Variants in ADHFE1 observed in about 807,000 individuals in gnomAD.
ADHFE1 encodes the protein hydroxyacid-oxoacid transhydrogenase, mitochondrial.
Under a neutral mutation model 54.8 loss-of-function variants are expected in ADHFE1, and 37 were observed. The observed-to-expected ratio is 0.68, with a 90% CI of 0.52 to 0.89. The LOEUF (loss-of-function observed/expected upper bound fraction) is 0.89. Among genes scored for constraint, ADHFE1 ranks in the 40% least tolerant of loss-of-function variants. The probability of loss-of-function intolerance (pLI) is 0.00; values close to 1 mark genes in which losing one functional copy is unlikely to be tolerated. For missense variants in ADHFE1, 601 were observed against 591.2 expected, an observed-to-expected ratio of 1.02 and a Z score of -0.17; for synonymous variants, 203 against 229.3, an observed-to-expected ratio of 0.89 and a Z score of 1.04.
At chr8:66,433,353 T>C (rs542635103) in intron 1 of ADHFE1, among the ~76,000 whole-genome samples, 6 of 152,280 alleles carry the variant, frequency 3.9e-5, no homozygotes, top group Admixed American at 1.3e-4. Flanking sequence ...CAAGTAGACC[T>C]ACCTTTATAA....
At chr8:66,466,306 G>C (rs1230839368) in intron 13 of ADHFE1, among the ~76,000 whole-genome samples, 2 of 145,644 alleles carry the variant, frequency 1.4e-5, no homozygotes, top group African/African-American at 5.1e-5. Context: ...GGCTGGTCTC[G>C]AACTCCTGAC....
Position 66,460,359 on chromosome 8 carries a change from A to T in ADHFE1, c.1214A>T (p.Asp405Val). Residue 405 changes from aspartate to valine, a missense_variant, in exon 13 of 14, where the codon GAC becomes GTC. Physicochemically the swap from Asp to Val is radical, Grantham distance 152 (BLOSUM62 -3). Transcript: ENST00000396623. ...RIQDAGLVLADTLRKFLFDLD... is the reference protein window; with the variant it reads ...RIQDAGLVLAVTLRKFLFDLD... The stretch of plus-strand genomic sequence containing the variant: ...CAAGATGCAGGGCTGGTGTTGGCAG[A>T]CACGCTCCGGAAATTCTTATTCGAT... The T allele has an allele frequency of 1.2e-6, 2 of 1,614,232 alleles. No homozygotes were observed. The highest frequency in any genetic ancestry group is 1.7e-6 in the Non-Finnish European group (2 of 1,180,042).
intron 7 of ADHFE1, 22 bp from the exon 8 acceptor site, chr8:66,448,843 A>G (rs1287234809): frequency 2.5e-6 from 4 of 1,601,378 alleles, no homozygotes; most frequent in Non-Finnish European, 3.4e-6. Flanking sequence ...TTTAGCCTCT[A>G]CTGAAAATCC....
At chr8:66,460,014 C>T (rs1482893320) in intron 12 of ADHFE1, 1 of 353,722 alleles carries the variant, frequency 2.8e-6, no homozygotes, top group Non-Finnish European at 5.2e-6. Context: ...TCCTCCATCC[C>T]AGCACCAGCC....
chr8:66,461,476 G>A (rs1454581810), intron 13 of ADHFE1, among the ~76,000 whole-genome samples: 1 of 151,884 alleles, frequency 6.6e-6, no homozygotes, highest in African/African-American at 2.4e-5. Context: ...TCCCCACTTC[G>A]CTAGTGCTTA....
In ADHFE1 at chr8:66,438,971, A is replaced by T. The variant is rs190630352; in HGVS notation, c.60-1191A>T. On this transcript the variant is annotated intron_variant, in intron 1 of 13. Transcript: ENST00000396623. ...GATTTTTTTTTCCTTCCCTTGGCTCACTTTTCTTGTCATTAGAGGGCATAA... is the reference window on the plus strand; with the variant it reads ...GATTTTTTTTTCCTTCCCTTGGCTCTCTTTTCTTGTCATTAGAGGGCATAA... 1.9e-4 allele frequency among the ~76,000 whole-genome samples: 29 copies of T among 151,318 alleles called. No homozygotes were observed. In the East Asian group the frequency reaches 4.5e-3, roughly 23 times the overall value.
At position 66,432,973 on chromosome 8, in the gene ADHFE1, C is replaced by T. The variant is rs559600268; in HGVS notation, c.59+398C>T. Reference sequence around the variant, plus strand: ...GTTCTGGGGATACAAAGATGAAAGGCTCTGGAGCAGTTTGAGGTCTAGTGG... The same window carrying T: ...GTTCTGGGGATACAAAGATGAAAGGTTCTGGAGCAGTTTGAGGTCTAGTGG... On this transcript the variant is annotated intron_variant, in intron 1 of 13. Coordinates refer to ENST00000396623, the MANE Select transcript of ADHFE1 (RefSeq NM_144650.3). 136 of 946,182 alleles carry T rather than the reference C, an allele frequency of 1.4e-4. No homozygotes were observed. The African/African-American group carries it at 2.2e-3, about 16-fold the overall frequency. 58.6% of individuals were successfully genotyped at this position (946,182 alleles called of 1,614,324 possible).
chr8:66,452,064 G>T lies in ADHFE1; in HGVS notation c.846G>T (p.Trp282Cys). The change falls in exon 9 of 14, where the codon TGG becomes TGT. Residue 282 changes from tryptophan to cysteine, a missense_variant. Trp to Cys is a radical substitution (Grantham distance 215). Coordinates refer to ENST00000396623, the MANE Select transcript of ADHFE1 (RefSeq NM_144650.3). ...GCAGCAACCCAATCAGTGACATTTG[G>T]GCTATCCACGCGCTGCGGATCGTGG... ...YQGSNPISDI[W>C]AIHALRIVAK... 6.2e-7 allele frequency: 1 copy of T among 1,614,178 alleles called. No homozygotes were observed. The highest frequency in any genetic ancestry group is 8.5e-7 in the Non-Finnish European group (1 of 1,180,028).
At position 66,453,032 on chromosome 8, in the gene ADHFE1, A is replaced by G. The variant is rs114591621; in HGVS notation, c.887+927A>G. 2.0e-3 allele frequency among the ~76,000 whole-genome samples: 312 copies of G among 152,328 alleles called. 3 individuals are homozygous for G. The highest frequency in any genetic ancestry group is 7.1e-3 in the African/African-American group (295 of 41,568). ...ATTTGTAGCAGAGCAGCAGGAAGGA[A>G]CCCAATACTATTTCAGGTTTGTGGG... On this transcript the variant is annotated intron_variant, in intron 9 of 13. Transcript: ENST00000396623.
intron 3 of ADHFE1, among the ~76,000 whole-genome samples, chr8:66,444,025 G>A (rs932091268): frequency 1.3e-5 from 2 of 152,170 alleles, no homozygotes; most frequent in Admixed American, 6.5e-5. Flanking sequence ...TGGGTGGCAG[G>A]TATGCAAGGG....
At chr8:66,433,022 TA>T (rs1805281722) in intron 1 of ADHFE1, 2 of 476,340 alleles carry the variant, frequency 4.2e-6, no homozygotes, top group South Asian at 1.8e-4. Context: ...GGGACGAGGC[TA>T]AAACCGGCTA....
At chr8:66,449,632 C>CACAG (rs944079814) in intron 8 of ADHFE1, among the ~76,000 whole-genome samples, 11 of 152,222 alleles carry the variant, frequency 7.2e-5, no homozygotes, top group African/African-American at 2.7e-4. Flanking sequence ...GTATTTCTAT[C>CACAG]ACAGACCTTG....
At chr8:66,466,415 C>T (rs1807189975) in intron 13 of ADHFE1, among the ~76,000 whole-genome samples, 1 of 152,036 alleles carries the variant, frequency 6.6e-6, no homozygotes, top group Non-Finnish European at 1.5e-5. Flanking sequence ...ATTGCCAAAG[C>T]CAATATTCCT....
chr8:66,442,701 A>G (rs1563487832), intron 2 of ADHFE1, 97 bp from the exon 3 acceptor site: 1 of 1,094,886 alleles, frequency 9.1e-7, no homozygotes. Flanking sequence ...GTAAGACTTC[A>G]AAGGAAATAC....
At position 66,461,115 on chromosome 8, in the gene ADHFE1, C is replaced by T. The variant is rs1354727605; in HGVS notation, c.1320+650C>T. Among the ~76,000 whole-genome samples, 3 of 152,330 alleles carry T rather than the reference C, an allele frequency of 2.0e-5. No homozygotes were observed. In the East Asian group the frequency reaches 5.8e-4, roughly 29 times the overall value. ...GAAGAACTCTGATCCCTCAGTGGAC[C>T]TCTCTTGAGCTAGCACATCAGATCC... On this transcript the variant is annotated intron_variant, in intron 13 of 13. Transcript: ENST00000396623.
At chr8:66,464,088 C>G (rs753854649) in intron 13 of ADHFE1, among the ~76,000 whole-genome samples, 4 of 152,218 alleles carry the variant, frequency 2.6e-5, no homozygotes, top group Non-Finnish European at 5.9e-5. Context: ...GACAGGCCAG[C>G]TGAAATGTTG....
chr8:66,458,623 A>G (rs1256471782), intron 12 of ADHFE1, among the ~76,000 whole-genome samples: 2 of 152,210 alleles, frequency 1.3e-5, no homozygotes, highest in Non-Finnish European at 2.9e-5. Context: ...AACTAGCAAC[A>G]CTACTGAGAA....
chr8:66,452,471 T>A (rs1806350831), intron 9 of ADHFE1, among the ~76,000 whole-genome samples: 1 of 152,146 alleles, frequency 6.6e-6, no homozygotes, highest in Admixed American at 6.5e-5. Flanking sequence ...ATCCTTTGAG[T>A]TAACTCAAAT....
rs896984902 is a variant in ADHFE1 at position 66,444,386 on chromosome 8, G to T, written c.164G>T (p.Arg55Ile). The change falls in exon 4 of 14, where the codon AGA (arginine) becomes ATA (isoleucine). Residue 55 changes from arginine (R) to isoleucine (I), a missense_variant. By Grantham distance (97) the Arg-to-Ile change is moderately conservative. Transcript: ENST00000396623. ...YAFEMAVSNIRYGAAVTKEVG... is the reference protein window; with the variant it reads ...YAFEMAVSNIIYGAAVTKEVG... ...TTTCAGATGGCTGTTTCAAATATTAGATATGGAGCAGCAGTTACAAAGGAA... is the reference window on the plus strand; with the variant it reads ...TTTCAGATGGCTGTTTCAAATATTATATATGGAGCAGCAGTTACAAAGGAA... 18 of 1,614,098 alleles carry T rather than the reference G, an allele frequency of 1.1e-5. No individual in the cohort carries two copies. The highest frequency in any genetic ancestry group is 1.7e-5 in the Admixed American group (1 of 60,030).
Sources: allele counts gnomAD v4.1 joint callset (sites outside exome capture counted in the v4.1 genomes callset), GRCh38; gene constraint gnomAD v4.1.1; transcripts MANE v1.5; gene names NCBI Gene and HGNC (gene_info 2026-07-23, HGNC 2026-07-21).